The following MRPS27 variants were observed in gnomAD, a reference collection of about 807,000 sequenced individuals.
The protein encoded by MRPS27 is mitochondrial ribosomal protein S27.
In MRPS27, 43 loss-of-function variants were observed where a neutral mutation model predicts 48.9. That is an observed-to-expected ratio of 0.88 (90% CI 0.69 to 1.13). The LOEUF (loss-of-function observed/expected upper bound fraction) is 1.13, where lower values mean the gene tolerates loss of function less well. MRPS27 is among the 50% of genes most tolerant of loss of function. The pLI is 0.00. For synonymous variants in MRPS27, 188 were observed against 171.9 expected (o/e 1.09, Z -0.73); for missense variants, 467 against 476.3 (o/e 0.98, Z 0.18).
intron 4 of MRPS27, among the ~76,000 whole-genome samples, chr5:72,261,504 T>C (rs1034023601): frequency 8.0e-5 from 12 of 149,304 alleles, no homozygotes; most frequent in African/African-American, 2.8e-4. Context: ...CCAGTTGCTA[T>C]AGACTCACAG....
intron 6 of MRPS27, 76 bp from the exon 7 acceptor site, chr5:72,232,634 C>T: frequency 9.5e-7 from 1 of 1,050,002 alleles, no homozygotes; most frequent in Non-Finnish European, 1.4e-6. Flanking sequence ...TAACTATAAA[C>T]ACTCTTAAAA....
chr5:72,298,712 C>CAAAAA (rs1259668404), intron 2 of MRPS27, among the ~76,000 whole-genome samples: 29 of 30,532 alleles, frequency 9.5e-4, no homozygotes, highest in East Asian at 1.7e-3. Flanking sequence ...GACTCCGTCT[C>CAAAAA]AAAAAAAAAA....
rs531831811 is a variant in MRPS27 at position 72,312,111 on chromosome 5, G to A, written c.151+1970C>T. On this transcript the variant is annotated intron_variant, in intron 2 of 10. Transcript: ENST00000261413. ...GACGCCACTGCATTCCAGCCTGGGC[G>A]ATAGATAGTACAGACTCTGTCTCAA... 9.0e-4 allele frequency among the ~76,000 whole-genome samples: 137 copies of A among 152,240 alleles called. 1 individual carries two copies. Among genetic ancestry groups the A allele is most frequent in the African/African-American group, 3.2e-3 (134 of 41,540 alleles).
At chr5:72,259,423 A>G (rs978884406) in intron 4 of MRPS27, among the ~76,000 whole-genome samples, 7 of 150,716 alleles carry the variant, frequency 4.6e-5, no homozygotes, top group African/African-American at 1.7e-4. Flanking sequence ...AGCCAAGATC[A>G]TGCCACTACA....
intron 6 of MRPS27, among the ~76,000 whole-genome samples, chr5:72,232,987 C>A (rs1045030930): frequency 6.6e-6 from 1 of 152,114 alleles, no homozygotes; most frequent in Admixed American, 6.6e-5. Flanking sequence ...ATAAAGGAGA[C>A]ACATATATTC....
chr5:72,276,316 A>T (rs2112025609), intron 4 of MRPS27, among the ~76,000 whole-genome samples: 1 of 152,336 alleles, frequency 6.6e-6, no homozygotes. Context: ...TAATGGGGAA[A>T]AGATTCCCTA....
chr5:72,251,487 G>T (rs1175371158), intron 4 of MRPS27, among the ~76,000 whole-genome samples: 1 of 152,198 alleles, frequency 6.6e-6, no homozygotes, highest in Non-Finnish European at 1.5e-5. Context: ...ATCATGTTTT[G>T]CTCTTGGACT....
intron 4 of MRPS27, chr5:72,241,373 C>T (rs1002065942): frequency 3.9e-6 from 2 of 516,858 alleles, no homozygotes; most frequent in African/African-American, 1.9e-5. Flanking sequence ...ATAAAATATG[C>T]TGCCCAAAAT....
At chr5:72,301,888 C>T (rs773483255) in intron 2 of MRPS27, among the ~76,000 whole-genome samples, 1 of 152,206 alleles carries the variant, frequency 6.6e-6, no homozygotes, top group Non-Finnish European at 1.5e-5. Flanking sequence ...AGAGGGCCAG[C>T]GCCACAGGCT....
At chr5:72,275,138 T>C (rs1749342040) in intron 4 of MRPS27, among the ~76,000 whole-genome samples, 1 of 152,194 alleles carries the variant, frequency 6.6e-6, no homozygotes, top group African/African-American at 2.4e-5. Flanking sequence ...GCCCACTGTC[T>C]CAGCTCAAAA....
chr5:72,287,805 G>A (rs966830064), intron 4 of MRPS27, among the ~76,000 whole-genome samples: 1 of 152,262 alleles, frequency 6.6e-6, no homozygotes, highest in Non-Finnish European at 1.5e-5. Flanking sequence ...CGGAACTGCT[G>A]TTGGGACTAT....
At chr5:72,311,196 AG>A in intron 2 of MRPS27, among the ~76,000 whole-genome samples, 1 of 152,314 alleles carries the variant, frequency 6.6e-6, no homozygotes, top group East Asian at 1.9e-4. Context: ...AAATTTCCGA[AG>A]TTGGTAACTG....
intron 1 of MRPS27, among the ~76,000 whole-genome samples, chr5:72,316,070 T>C (rs1750556621): frequency 6.6e-6 from 1 of 152,232 alleles, no homozygotes; most frequent in South Asian, 2.1e-4. Flanking sequence ...ACATACTACA[T>C]GGGTGAATCC....
intron 7 of MRPS27, among the ~76,000 whole-genome samples, chr5:72,231,726 G>T (rs1222806394): frequency 6.6e-6 from 1 of 152,118 alleles, no homozygotes; most frequent in Non-Finnish European, 1.5e-5. Flanking sequence ...CCCAAACTGG[G>T]ATTTTTGATG....
At chr5:72,231,455 T>C (rs1417279987) in intron 7 of MRPS27, among the ~76,000 whole-genome samples, 1 of 152,192 alleles carries the variant, frequency 6.6e-6, no homozygotes. Context: ...GTGTTCATGA[T>C]AGTCATAGTT....
At chr5:72,292,840 A>G (rs1749866058) in intron 4 of MRPS27, among the ~76,000 whole-genome samples, 1 of 152,222 alleles carries the variant, frequency 6.6e-6, no homozygotes, top group Admixed American at 6.5e-5. Context: ...TAAAGACGGT[A>G]CTGCTTAAGG....
chr5:72,260,018 T>G (rs1242483914), intron 4 of MRPS27, among the ~76,000 whole-genome samples: 1 of 152,224 alleles, frequency 6.6e-6, no homozygotes, highest in African/African-American at 2.4e-5. Flanking sequence ...TTCCTGCTTT[T>G]TCTATTGCAA....
intron 4 of MRPS27, among the ~76,000 whole-genome samples, chr5:72,273,298 A>T (rs763363642): frequency 6.6e-6 from 1 of 152,228 alleles, no homozygotes; most frequent in African/African-American, 2.4e-5. Context: ...ATTAGCCTCA[A>T]ATATGTTTAA....
At chr5:72,271,431 G>A (rs2112017910) in intron 4 of MRPS27, among the ~76,000 whole-genome samples, 1 of 152,128 alleles carries the variant, frequency 6.6e-6, no homozygotes, top group African/African-American at 2.4e-5. Flanking sequence ...TGCCTACACT[G>A]AAATTTATAA....
Sources: allele counts gnomAD v4.1 joint callset (sites outside exome capture counted in the v4.1 genomes callset), GRCh38; gene constraint gnomAD v4.1.1; transcripts MANE v1.5; gene names NCBI Gene and HGNC (gene_info 2026-07-23, HGNC 2026-07-21).